Variants in PEX7 observed in about 807,000 individuals in gnomAD.
PEX7 encodes PTS2 receptor.
Under a neutral mutation model 47.5 loss-of-function variants are expected in PEX7, and 34 were observed. The observed-to-expected ratio is 0.72, with a 90% CI of 0.54 to 0.95. PEX7 has a LOEUF of 0.95. PEX7 is among the 40% of genes least tolerant of loss of function. The probability of loss-of-function intolerance (pLI) is 0.00; values close to 1 mark genes in which losing one functional copy is unlikely to be tolerated. For synonymous variants in PEX7, 141 were observed against 148.8 expected, an observed-to-expected ratio of 0.95 and a Z score of 0.38; for missense variants, 394 against 400.3, an observed-to-expected ratio of 0.98 and a Z score of 0.13.
chr6:136,829,744 C>G (rs1774259678), intron 3 of PEX7, among the ~76,000 whole-genome samples: 1 of 152,072 alleles, frequency 6.6e-6, no homozygotes, highest in Admixed American at 6.6e-5. Flanking sequence ...TGGGACCAGC[C>G]TGGCCAACAT....
At chr6:136,905,479 A>G (rs1200027255) in intron 9 of PEX7, among the ~76,000 whole-genome samples, 1 of 152,162 alleles carries the variant, frequency 6.6e-6, no homozygotes, top group Non-Finnish European at 1.5e-5. Context: ...TCATCATTCA[A>G]TTGAAGTTAA....
chr6:136,883,344 C>T (rs1248018320), intron 8 of PEX7, among the ~76,000 whole-genome samples: 2 of 152,100 alleles, frequency 1.3e-5, no homozygotes, highest in East Asian at 1.9e-4. Context: ...TCAGTCCCTC[C>T]TTCTTTACTG....
In PEX7 at chr6:136,846,390, G is replaced by A. The variant is rs570078351; in HGVS notation, c.526+209G>A. Among the ~76,000 whole-genome samples, 300 of 151,746 alleles carry A rather than the reference G, an allele frequency of 2.0e-3. 3 individuals are homozygous for A. The highest frequency in any genetic ancestry group is 6.5e-3 in the African/African-American group (269 of 41,368). ...AAGTTCTAGGGTACATGTGCACAAC[G>A]TGCGGGTTTGTTACATGTGTGTGCA... On this transcript the variant is annotated intron_variant, in intron 5 of 9. Transcript: ENST00000318471.
chr6:136,885,735 G>A (rs992951620), intron 8 of PEX7, among the ~76,000 whole-genome samples: 1 of 152,224 alleles, frequency 6.6e-6, no homozygotes, highest in Non-Finnish European at 1.5e-5. Context: ...TGGGACATAT[G>A]TAGTCACAAA....
chr6:136,822,832 A>G lies in PEX7; in HGVS notation c.130+37A>G, dbSNP rs1215751191. The G allele has an allele frequency of 5.8e-6, 7 of 1,212,280 alleles. No individual in the cohort carries two copies. The South Asian group carries it at 1.0e-4, about 18-fold the overall frequency. The allele number at this position is 1,212,280 out of a possible 1,614,324, so 75.1% of individuals were successfully genotyped here. ...CCGCGCAGCTGGGGCCGGGGGGCGG[A>G]GGCGGAGGCGGGGGCCAGCCGGGCT... On this transcript the variant is annotated intron_variant, in intron 1 of 9. Transcript: ENST00000318471.
At position 136,822,649 on chromosome 6, in the gene PEX7, C is replaced by T. The variant is rs1562723762; in HGVS notation, c.-17C>T. 2.0e-6 allele frequency: 3 copies of T among 1,518,086 alleles called. No individual in the cohort carries two copies. The South Asian group carries it at 3.6e-5, about 18-fold the overall frequency. The allele number at this position is 1,518,086 out of a possible 1,614,324, so 94.0% of individuals were successfully genotyped here. ...CTTCCGCGGCCGGGGCAGCGAGGGC[C>T]GGGGGCGGCGGGCGGGATGAGTGCG... On this transcript the variant is annotated 5_prime_UTR_variant, in exon 1 of 10. Transcript: ENST00000318471.
intron 5 of PEX7, among the ~76,000 whole-genome samples, chr6:136,860,379 C>T (rs1774936455): frequency 6.7e-6 from 1 of 148,510 alleles, no homozygotes; most frequent in Non-Finnish European, 1.5e-5. Flanking sequence ...ATTAAATTAA[C>T]TGCAAGAGGG....
chr6:136,884,897 A>T, intron 8 of PEX7, among the ~76,000 whole-genome samples: 1 of 152,184 alleles, frequency 6.6e-6, no homozygotes, highest in South Asian at 2.1e-4. Flanking sequence ...CTAAAGTTAA[A>T]ATGTTTCATA....
In PEX7 at chr6:136,829,781, T is replaced by TA. The variant is rs1470820915; in HGVS notation, c.339+3319dup. Among the ~76,000 whole-genome samples the TA allele has an allele frequency of 1.1e-4, 17 of 152,090 alleles. No homozygotes were observed. The South Asian group carries it at 3.5e-3, about 32-fold the overall frequency. On this transcript the variant is annotated intron_variant, in intron 3 of 9. Coordinates refer to ENST00000318471, the MANE Select transcript of PEX7 (RefSeq NM_000288.4). ...GCGAAAACCCCGCCTCTACTAAAAA[T>TA]AAAAAAATTAGCTGGGTGTGGTGGT...
chr6:136,854,418 C>G (rs939018347), intron 5 of PEX7, among the ~76,000 whole-genome samples: 5 of 152,128 alleles, frequency 3.3e-5, no homozygotes, highest in Non-Finnish European at 5.9e-5. Flanking sequence ...AACTCCTGAC[C>G]TCAGGTGATC....
intron 8 of PEX7, 80 bp downstream of exon 8, chr6:136,872,333 G>A (rs1283885532): frequency 2.8e-5 from 28 of 992,234 alleles, no homozygotes; most frequent in Non-Finnish European, 4.1e-5. Flanking sequence ...GAGATAATAT[G>A]ATTACTCTTA....
intron 5 of PEX7, among the ~76,000 whole-genome samples, chr6:136,850,244 T>G (rs927052387): frequency 2.6e-5 from 4 of 152,112 alleles, no homozygotes; most frequent in Non-Finnish European, 5.9e-5. Context: ...TTTTGAGCCT[T>G]TATGTGTCTC....
chr6:136,824,114 C>T (rs911022345), intron 1 of PEX7, among the ~76,000 whole-genome samples: 3 of 152,210 alleles, frequency 2.0e-5, no homozygotes, highest in African/African-American at 7.2e-5. Context: ...ATTATTAGCT[C>T]TTAGTGCTTG....
Position 136,900,758 on chromosome 6 carries a change from C to G in PEX7, c.903+2517C>G. 1 of 341,104 alleles carries G rather than the reference C, an allele frequency of 2.9e-6. No homozygotes were observed. Among genetic ancestry groups the G allele is most frequent in the Non-Finnish European group, 5.6e-6 (1 of 177,876 alleles). 21.1% of individuals were successfully genotyped at this position (341,104 alleles called of 1,614,324 possible). A position where few individuals can be genotyped will look rare whatever the true frequency, so the allele number is the denominator to read the frequency against. ...AAGGTGGTGACGGTGTTAACCCCAGCTTGAAGGACAGGTGGTCTCTTAGTG... is the reference window on the plus strand; with the variant it reads ...AAGGTGGTGACGGTGTTAACCCCAGGTTGAAGGACAGGTGGTCTCTTAGTG... On this transcript the variant is annotated intron_variant, in intron 9 of 9. Transcript: ENST00000318471. The surrounding 1 kb of genome is among the most constrained non-coding windows in gnomAD (Gnocchi z 4.2).
intron 4 of PEX7, 122 bp downstream of exon 4, chr6:136,845,814 A>T (rs1362013453): frequency 1.0e-5 from 7 of 671,644 alleles, no homozygotes; most frequent in African/African-American, 3.7e-5. Flanking sequence ...GCTTTCTTTT[A>T]AAAAAAAAAT....
At chr6:136,905,905 G>T (rs1220311254) in intron 9 of PEX7, among the ~76,000 whole-genome samples, 1 of 152,136 alleles carries the variant, frequency 6.6e-6, no homozygotes, top group South Asian at 2.1e-4. Flanking sequence ...CTGTCTCTTC[G>T]CATTTCCTAA....
intron 5 of PEX7, among the ~76,000 whole-genome samples, chr6:136,866,121 T>G (rs189634166): frequency 0.017 from 2,599 of 151,722 alleles, 78 homozygotes; most frequent in African/African-American, 0.06. Flanking sequence ...ATAAATAAAA[T>G]TTTTTAGCTT....
At chr6:136,873,290 A>G (rs544039945) in intron 8 of PEX7, among the ~76,000 whole-genome samples, 1 of 152,298 alleles carries the variant, frequency 6.6e-6, no homozygotes, top group African/African-American at 2.4e-5. Context: ...CTACCCTCCT[A>G]TCTATGGACA....
At chr6:136,877,060 G>T (rs951946808) in intron 8 of PEX7, among the ~76,000 whole-genome samples, 1 of 152,102 alleles carries the variant, frequency 6.6e-6, no homozygotes, top group Non-Finnish European at 1.5e-5. Flanking sequence ...ATCTCATTGT[G>T]GTTTTGATTT....
Sources: allele counts gnomAD v4.1 joint callset (sites outside exome capture counted in the v4.1 genomes callset), GRCh38; gene constraint gnomAD v4.1.1; non-coding constraint Gnocchi (gnomAD v3.1); transcripts MANE v1.5; gene names NCBI Gene and HGNC (gene_info 2026-07-23, HGNC 2026-07-21).